Variants in PPFIBP1 observed in about 807,000 individuals in gnomAD.
PPFIBP1 encodes the protein PPFIB scaffold protein 1, also known as liprin-beta-1.
In PPFIBP1, 112 loss-of-function variants were observed where a neutral mutation model predicts 137.8. The ratio of observed to expected loss-of-function variants is 0.81; its 90% CI spans 0.70 to 0.95. PPFIBP1 has a LOEUF of 0.95. PPFIBP1 is among the 40% of genes least tolerant of loss of function. PPFIBP1 has a pLI of 0.00. For missense variants in PPFIBP1, 1,083 were observed against 1,196.6 expected, an observed-to-expected ratio of 0.91 and a Z score of 1.40; for synonymous variants, 378 against 417.3, an observed-to-expected ratio of 0.91 and a Z score of 1.15.
At chr12:27,650,173 CT>C in intron 7 of PPFIBP1, 32 bp downstream of exon 7, 1 of 1,537,584 alleles carries the variant, frequency 6.5e-7, no homozygotes, top group Non-Finnish European at 8.9e-7. Flanking sequence ...CCCTCTCTCT[CT>C]CTCTCTGTCA....
chr12:27,666,443 T>C (rs569559582), intron 12 of PPFIBP1, among the ~76,000 whole-genome samples: 38 of 152,348 alleles, frequency 2.5e-4, no homozygotes, highest in African/African-American at 8.9e-4. Flanking sequence ...TTTAAACAAG[T>C]GTATGATTTA....
chr12:27,600,436 CAAAA>C (rs35671015), intron 2 of PPFIBP1, among the ~76,000 whole-genome samples: 1 of 105,836 alleles, frequency 9.4e-6, no homozygotes. Context: ...AACTCCGTCT[CAAAA>C]AAAAAAAAAA....
Position 27,676,454 on chromosome 12 carries a change from A to G in PPFIBP1, c.1437A>G (p.Pro479=), listed in dbSNP as rs773749158. Residue 479 remains proline (P), a synonymous_variant, in exon 18 of 30, where the codon CCA becomes CCG. Transcript: ENST00000228425. ...SEDRAPAESR[P]FGTLPPRPPG... ...ACAGAGCTCCGGCAGAAAGCAGGCCATTTGGGACCCTTCCTCCCAGGCCCC... is the reference window on the plus strand; with the variant it reads ...ACAGAGCTCCGGCAGAAAGCAGGCCGTTTGGGACCCTTCCTCCCAGGCCCC... 3 of 1,563,932 alleles carry G rather than the reference A, an allele frequency of 1.9e-6. No individual in the cohort carries two copies. Among genetic ancestry groups the G allele is most frequent in the South Asian group, 2.4e-5 (2 of 84,654 alleles).
At position 27,647,719 on chromosome 12, in the gene PPFIBP1, C is replaced by G. The variant is rs1446416903; in HGVS notation, c.358-10C>G. ...TTTTCACTCATTGCATTATTTTGCT[C>G]TAAATACAGGTAAGTGTGTTAACAG... On this transcript the variant is annotated splice_polypyrimidine_tract_variant and intron_variant, in intron 5 of 29. Transcript: ENST00000228425. The G allele has an allele frequency of 6.4e-7, 1 of 1,560,082 alleles. No homozygotes were observed.
rs545133202 is a variant in PPFIBP1 at position 27,625,557 on chromosome 12, T to A, written c.-35-7805T>A. Reference sequence around the variant, plus strand: ...ATTTCCAGTTATATCATCCATTCTATACTTATTTTACAGTTTTTTACAGTT... The same window carrying A: ...ATTTCCAGTTATATCATCCATTCTAAACTTATTTTACAGTTTTTTACAGTT... On this transcript the variant is annotated intron_variant, in intron 2 of 29. Transcript: ENST00000228425. Among the ~76,000 whole-genome samples the A allele has an allele frequency of 4.6e-5, 7 of 151,590 alleles. No individual in the cohort carries two copies. In the East Asian group the frequency reaches 1.4e-3, roughly 30 times the overall value.
At chr12:27,682,778 AAC>A (rs1186700135) in intron 24 of PPFIBP1, 75 bp downstream of exon 24, 31 of 1,604,302 alleles carry the variant, frequency 1.9e-5, no homozygotes, top group Middle Eastern at 3.7e-4. Flanking sequence ...GAGTAAGCCA[AAC>A]ACAGTGTTTT....
At chr12:27,554,599 G>A (rs975587987) in intron 1 of PPFIBP1, among the ~76,000 whole-genome samples, 3 of 152,306 alleles carry the variant, frequency 2.0e-5, no homozygotes, top group Admixed American at 2.0e-4. Flanking sequence ...GACATGACTT[G>A]GTTTGGTAAA....
chr12:27,566,921 G>C (rs2049727184), intron 1 of PPFIBP1, among the ~76,000 whole-genome samples: 1 of 152,152 alleles, frequency 6.6e-6, no homozygotes, highest in South Asian at 2.1e-4. Flanking sequence ...CCTGTTACTA[G>C]GATCTAAATA....
At chr12:27,535,131 G>A (rs1323945013) in intron 1 of PPFIBP1, among the ~76,000 whole-genome samples, 1 of 152,164 alleles carries the variant, frequency 6.6e-6, no homozygotes, top group East Asian at 1.9e-4. Flanking sequence ...CGTGGAGCCT[G>A]TTGCAAAATG....
At chr12:27,569,254 G>C (rs549126834) in intron 1 of PPFIBP1, among the ~76,000 whole-genome samples, 6 of 152,148 alleles carry the variant, frequency 3.9e-5, no homozygotes, top group Admixed American at 3.9e-4. Context: ...AAACTTGTGA[G>C]CATCTCCTTC....
At chr12:27,660,677 G>A (rs59304290) in intron 10 of PPFIBP1, among the ~76,000 whole-genome samples, 14,712 of 152,174 alleles carry the variant, frequency 0.097, 1,032 homozygotes, top group African/African-American at 0.19. Context: ...TTCTAGAGTG[G>A]CAACTGTTCA....
At chr12:27,579,527 A>ATTC (rs1164047217) in intron 2 of PPFIBP1, among the ~76,000 whole-genome samples, 1 of 152,148 alleles carries the variant, frequency 6.6e-6, no homozygotes, top group Non-Finnish European at 1.5e-5. Context: ...TACAGTGAAT[A>ATTC]TTCTTTTGTG....
chr12:27,595,845 ACT>A (rs1166241248), intron 2 of PPFIBP1, among the ~76,000 whole-genome samples: 1 of 135,480 alleles, frequency 7.4e-6, no homozygotes, highest in East Asian at 2.4e-4. Flanking sequence ...CAACAGCGAC[ACT>A]CTGATCAACA....
intron 1 of PPFIBP1, among the ~76,000 whole-genome samples, chr12:27,572,248 G>A (rs2050209421): frequency 6.6e-6 from 1 of 152,050 alleles, no homozygotes; most frequent in Non-Finnish European, 1.5e-5. Flanking sequence ...AAGAAAAATT[G>A]GTATATAATT....
At chr12:27,644,835 G>A (rs1373890561) in intron 4 of PPFIBP1, among the ~76,000 whole-genome samples, 1 of 152,016 alleles carries the variant, frequency 6.6e-6, no homozygotes, top group Non-Finnish European at 1.5e-5. Context: ...CTGATTCTTA[G>A]TGGCCTTTTG....
chr12:27,623,253 ACTAAGTTTG>A (rs2056504884), intron 2 of PPFIBP1, among the ~76,000 whole-genome samples: 1 of 152,212 alleles, frequency 6.6e-6, no homozygotes, highest in South Asian at 2.1e-4. Context: ...AATACTGGGG[ACTAAGTTTG>A]CAAACTCTTA....
chr12:27,598,749 G>A (rs1331183417), intron 2 of PPFIBP1, among the ~76,000 whole-genome samples: 1 of 152,112 alleles, frequency 6.6e-6, no homozygotes, highest in Non-Finnish European at 1.5e-5. Context: ...CTTCTAAATG[G>A]TAACTCCACT....
At chr12:27,664,765 G>A (rs2059758129) in intron 12 of PPFIBP1, among the ~76,000 whole-genome samples, 1 of 152,196 alleles carries the variant, frequency 6.6e-6, no homozygotes, top group Non-Finnish European at 1.5e-5. Context: ...GAACACCAGT[G>A]CAACTGCAAG....
chr12:27,538,354 G>A (rs189409477), intron 1 of PPFIBP1: 77 of 152,302 alleles, frequency 5.1e-4, no homozygotes, highest in African/African-American at 1.6e-3. Context: ...GGTGAGTTAA[G>A]GTTGTCTTTG....
Sources: gnomAD v4.1 joint callset for allele counts (sites outside exome capture counted in the v4.1 genomes callset) on GRCh38, gnomAD v4.1.1 for gene constraint, MANE v1.5 for transcripts, NCBI Gene and HGNC (gene_info 2026-07-23, HGNC 2026-07-21) for gene names.